DPYSL2: variants seen among roughly 807,000 people sequenced by gnomAD.
DPYSL2 encodes the protein dihydropyrimidinase-related protein 2.
DPYSL2 carries 13 observed loss-of-function variants against 69.9 expected under a neutral mutation model. The observed-to-expected ratio is 0.19, with a 90% confidence interval of 0.12 to 0.30. The LOEUF is 0.30. Among genes scored for constraint, DPYSL2 ranks in the 10% least tolerant of loss-of-function variants. DPYSL2 has a pLI of 1.00. For missense variants in DPYSL2, 587 were observed against 918.9 expected (o/e 0.64, Z 4.67); for synonymous variants, 326 against 359.1 (o/e 0.91, Z 1.04).
chr8:26,577,649 G>A (rs927301251), intron 1 of DPYSL2, among the ~76,000 whole-genome samples: 1 of 150,626 alleles, frequency 6.6e-6, no homozygotes, highest in Admixed American at 6.6e-5. Context: ...GTCCCCGCGT[G>A]GCCCAGGCCG....
At chr8:26,532,938 C>G (rs1422701926) in intron 1 of DPYSL2, among the ~76,000 whole-genome samples, 1 of 152,110 alleles carries the variant, frequency 6.6e-6, no homozygotes, top group East Asian at 1.9e-4. Flanking sequence ...GAGGAACTGC[C>G]AAACTGTTTC....
rs11786691 is a variant in DPYSL2, at chr8:26,583,961, G to C, written c.606G>C (p.Leu202=). 9 of 1,613,980 alleles carry C rather than the reference G, an allele frequency of 5.6e-6. No individual in the cohort carries two copies. Among genetic ancestry groups the C allele is most frequent in the Non-Finnish European group, 6.8e-6 (8 of 1,179,966 alleles). Residue 202 remains leucine (L), a synonymous_variant, in exon 3 of 14, where the codon CTG becomes CTC. Coordinates refer to ENST00000521913, the MANE Select transcript of DPYSL2 (RefSeq NM_001197293.3). The stretch of plus-strand genomic sequence containing the variant: ...TCTTCCAAGGAACCAAGGCGGCCCT[G>C]GCTGGGGGAACCACTATGATCAGTA... ...DDFFQGTKAA[L]AGGTTMIIDH... is the part of the protein sequence containing the mutation.
rs1802642673 is a variant in DPYSL2 at position 26,627,346 on chromosome 8, C to T, written c.936+51C>T. The T allele has an allele frequency of 6.4e-7, 1 of 1,573,578 alleles. No homozygotes were observed. The highest frequency in any genetic ancestry group is 2.2e-5 in the East Asian group (1 of 44,664). On this transcript the variant is annotated intron_variant, in intron 6 of 13. Coordinates refer to ENST00000521913, the MANE Select transcript of DPYSL2 (RefSeq NM_001197293.3). This position sits in a 1 kb window ranked among gnomAD's most constrained non-coding sequence, Gnocchi z 6.9. Reference sequence around the variant, plus strand: ...TCTTCATCACCTGGAGGGTGAGAGGCAGGCTCAAGAAAGGGAAGCTGCATC... The same window carrying T: ...TCTTCATCACCTGGAGGGTGAGAGGTAGGCTCAAGAAAGGGAAGCTGCATC...
intron 1 of DPYSL2, among the ~76,000 whole-genome samples, chr8:26,535,307 A>T (rs1800572906): frequency 6.6e-6 from 1 of 152,194 alleles, no homozygotes; most frequent in Admixed American, 6.5e-5. Context: ...CTACCTCCAG[A>T]TACCATCACA....
chr8:26,563,503 A>G (rs1198402158), intron 1 of DPYSL2, among the ~76,000 whole-genome samples: 1 of 152,218 alleles, frequency 6.6e-6, no homozygotes. Context: ...CCAGAGGCTA[A>G]GTCTAGAACT....
At position 26,601,789 on chromosome 8, in the gene DPYSL2, C is replaced by T. The variant is rs184180098; in HGVS notation, c.628+17806C>T. Among the ~76,000 whole-genome samples the T allele has an allele frequency of 3.4e-4, 52 of 152,270 alleles. 1 individual carries two copies. Among genetic ancestry groups the T allele is most frequent in the Admixed American group, 2.7e-3 (42 of 15,288 alleles). On this transcript the variant is annotated intron_variant, in intron 3 of 13. Transcript: ENST00000521913. Reference sequence around the variant, plus strand: ...AGTGTACTCAGGCCCAGCTGACTTACGTTTAAAAGACTGGGCCTGGAACAA... The same window carrying T: ...AGTGTACTCAGGCCCAGCTGACTTATGTTTAAAAGACTGGGCCTGGAACAA...
In DPYSL2 at chr8:26,605,516, C is replaced by T. The variant is rs1418882092; in HGVS notation, c.629-18627C>T. ...ATGTTGGCCAGGCTGGTCTTGAAAT[C>T]CTGACCTCAAGTGCCTGCCTCAGCC... On this transcript the variant is annotated intron_variant, in intron 3 of 13. Transcript: ENST00000521913. The surrounding 1 kb of genome is among the most constrained non-coding windows in gnomAD (Gnocchi z 4.1). 6.6e-6 allele frequency among the ~76,000 whole-genome samples: 1 copy of T among 152,024 alleles called. No individual in the cohort carries two copies. Among genetic ancestry groups the T allele is most frequent in the Admixed American group, 6.6e-5 (1 of 15,266 alleles).
chr8:26,553,821 A>G (rs1289750074), intron 1 of DPYSL2, among the ~76,000 whole-genome samples: 1 of 151,500 alleles, frequency 6.6e-6, no homozygotes, highest in African/African-American at 2.4e-5. Flanking sequence ...CAGTAATTAA[A>G]CTAATTTATA....
In DPYSL2 at chr8:26,614,227, T is replaced by C. The variant is rs368879227; in HGVS notation, c.629-9916T>C. On this transcript the variant is annotated intron_variant, in intron 3 of 13. Coordinates refer to ENST00000521913, the MANE Select transcript of DPYSL2 (RefSeq NM_001197293.3). This position sits in a 1 kb window ranked among gnomAD's most constrained non-coding sequence, Gnocchi z 4.9. ...AGACATGGGAAGTAAATTTGCAAGATTGCTGTCTGGGAGCTGGACAGACAG... is the reference window on the plus strand; with the variant it reads ...AGACATGGGAAGTAAATTTGCAAGACTGCTGTCTGGGAGCTGGACAGACAG... Among the ~76,000 whole-genome samples, 43 of 152,146 alleles carry C rather than the reference T, an allele frequency of 2.8e-4. No individual in the cohort carries two copies. The highest frequency in any genetic ancestry group is 1.0e-3 in the African/African-American group (43 of 41,492).
At position 26,582,841 on chromosome 8, in the gene DPYSL2, A is replaced by G. The variant is rs1238928148; in HGVS notation, c.443+784A>G. On this transcript the variant is annotated intron_variant, in intron 2 of 13. Coordinates refer to ENST00000521913, the MANE Select transcript of DPYSL2 (RefSeq NM_001197293.3). This position sits in a 1 kb window ranked among gnomAD's most constrained non-coding sequence, Gnocchi z 4.1. ...AAGGGATAGCTGTAAACCGGTCCAGAGGAGTGGAAAACTGGAGTGGCTGTG... is the reference window on the plus strand; with the variant it reads ...AAGGGATAGCTGTAAACCGGTCCAGGGGAGTGGAAAACTGGAGTGGCTGTG... 1.3e-5 allele frequency among the ~76,000 whole-genome samples: 2 copies of G among 152,216 alleles called. No homozygotes were observed. The highest frequency in any genetic ancestry group is 4.8e-5 in the African/African-American group (2 of 41,458).
At chr8:26,608,264 G>C (rs1802151252) in intron 3 of DPYSL2, among the ~76,000 whole-genome samples, 1 of 152,158 alleles carries the variant, frequency 6.6e-6, no homozygotes, top group African/African-American at 2.4e-5. Context: ...ATAATAAGTA[G>C]ATAGGAAAAA....
chr8:26,584,636 T>TTTG (rs1801559967), intron 3 of DPYSL2, among the ~76,000 whole-genome samples: 1 of 143,310 alleles, frequency 7.0e-6, no homozygotes, highest in South Asian at 2.2e-4. Context: ...TTTTTTTTTT[T>TTTG]GAGACAGAGT....
chr8:26,657,061 C>G lies in DPYSL2; in HGVS notation c.*1355C>G, dbSNP rs1414778972. The G allele has an allele frequency of 6.6e-6, 1 of 152,088 alleles. No individual in the cohort carries two copies. Among genetic ancestry groups the G allele is most frequent in the Non-Finnish European group, 1.5e-5 (1 of 68,010 alleles). 9.4% of individuals were successfully genotyped at this position (152,088 alleles called of 1,614,324 possible). On this transcript the variant is annotated 3_prime_UTR_variant, in exon 14 of 14. Coordinates refer to ENST00000521913, the MANE Select transcript of DPYSL2 (RefSeq NM_001197293.3). Reference sequence around the variant, plus strand: ...GAGCTTTTTATTTTCGGGGAAAAACCGTATTTTTTTCTTGTCCAATTATTT... The same window carrying G: ...GAGCTTTTTATTTTCGGGGAAAAACGGTATTTTTTTCTTGTCCAATTATTT...
At chr8:26,521,274 A>C (rs1373941328) in intron 1 of DPYSL2, among the ~76,000 whole-genome samples, 1 of 152,224 alleles carries the variant, frequency 6.6e-6, no homozygotes, top group African/African-American at 2.4e-5. Flanking sequence ...GATAACCTGC[A>C]TGGGCTCTGA....
Position 26,514,582 on chromosome 8 carries a change from G to A in DPYSL2, c.257G>A (p.Gly86Asp). Reference protein sequence around the residue: ...PDPQPPYSRQGRRAGGEPSVE... With the variant: ...PDPQPPYSRQDRRAGGEPSVE... ...CCGCAGCCGCCGTACTCGCGGCAGG[G>A]CCGGCGCGCCGGCGGAGAGCCATCT... The change falls in exon 1 of 14, where the codon GGC (glycine) becomes GAC (aspartate). Residue 86 changes from glycine (G) to aspartate (D), a missense_variant. By Grantham distance (94) the Gly-to-Asp change is moderately conservative. Around this residue, in one of 3 missense-constraint regions of DPYSL2, gnomAD observed 85 missense variants for 77.7 expected, o/e 1.09. Coordinates refer to ENST00000521913, the MANE Select transcript of DPYSL2 (RefSeq NM_001197293.3). This position sits in a 1 kb window ranked among gnomAD's most constrained non-coding sequence, Gnocchi z 8.4. 1 of 1,516,402 alleles carries A rather than the reference G, an allele frequency of 6.6e-7. No homozygotes were observed. The allele number at this position is 1,516,402 out of a possible 1,614,324, so 93.9% of individuals were successfully genotyped here. A position where few individuals can be genotyped will look rare whatever the true frequency, so the allele number is the denominator to read the frequency against.
intron 11 of DPYSL2, among the ~76,000 whole-genome samples, chr8:26,649,200 A>G (rs1165421092): frequency 2.6e-4 from 39 of 152,254 alleles, no homozygotes; most frequent in Admixed American, 2.6e-3. Flanking sequence ...AATGTTACAT[A>G]GCGATTTTGC....
Position 26,655,793 on chromosome 8 carries a change from TTTTG to T in DPYSL2, c.*91_*94del. 2 of 1,281,424 alleles carry T rather than the reference TTTTG, an allele frequency of 1.6e-6. No homozygotes were observed. Among genetic ancestry groups the T allele is most frequent in the South Asian group, 3.4e-5 (2 of 58,198 alleles). 79.4% of individuals were successfully genotyped at this position (1,281,424 alleles called of 1,614,324 possible). On this transcript the variant is annotated 3_prime_UTR_variant, in exon 14 of 14. Transcript: ENST00000521913. ...CTTCTTTCTTCCTTCCTTTTTTTTT[TTTTG>T]TTTTTTTTTTTAAGAGCCTGTGATA...
Position 26,641,417 on chromosome 8 carries a change from T to C in DPYSL2, c.1127-2022T>C, listed in dbSNP as rs1803042868. 6.6e-6 allele frequency among the ~76,000 whole-genome samples: 1 copy of C among 152,226 alleles called. No homozygotes were observed. The highest frequency in any genetic ancestry group is 6.5e-5 in the Admixed American group (1 of 15,274). ...CCTGGCTGGGTCAGGAGAGTTTTGC[T>C]TAACCAGATCTGTTTGATCCTTGAA... On this transcript the variant is annotated intron_variant, in intron 8 of 13. Transcript: ENST00000521913. The surrounding 1 kb of genome is among the most constrained non-coding windows in gnomAD (Gnocchi z 4.1).
intron 1 of DPYSL2, among the ~76,000 whole-genome samples, chr8:26,532,016 G>A (rs1800517429): frequency 6.6e-6 from 1 of 152,100 alleles, no homozygotes; most frequent in South Asian, 2.1e-4. Context: ...CCTTTTGAAG[G>A]TCTTTTGCTT....
Sources: allele counts gnomAD v4.1 joint callset (sites outside exome capture counted in the v4.1 genomes callset), GRCh38; gene constraint gnomAD v4.1.1; regional missense constraint gnomAD v4.1.1; non-coding constraint Gnocchi (gnomAD v3.1); transcripts MANE v1.5; gene names NCBI Gene and HGNC (gene_info 2026-07-23, HGNC 2026-07-21).